The following CCSER1 variants were observed in gnomAD, a reference collection of about 807,000 sequenced individuals.
The protein encoded by CCSER1 is serine-rich coiled-coil domain-containing protein 1.
A neutral mutation model predicts 82.0 loss-of-function variants in CCSER1; 41 were observed. That is an observed-to-expected ratio of 0.50 (90% confidence interval 0.39 to 0.65). The LOEUF is 0.65. CCSER1 is among the 30% of genes least tolerant of loss of function. The pLI is 0.00. For synonymous variants in CCSER1, 414 were observed against 383.9 expected (o/e 1.08, Z -0.92); for missense variants, 1,119 against 1,064.2 (o/e 1.05, Z -0.72).
intron 5 of CCSER1, among the ~76,000 whole-genome samples, chr4:90,567,092 T>A (rs1203604617): frequency 6.6e-6 from 1 of 151,850 alleles, no homozygotes; most frequent in African/African-American, 2.4e-5. Context: ...ACTTTCCATT[T>A]CATTAGTTTC....
At chr4:90,874,742 A>C (rs998328341) in intron 8 of CCSER1, among the ~76,000 whole-genome samples, 2 of 152,084 alleles carry the variant, frequency 1.3e-5, no homozygotes, top group Admixed American at 1.3e-4. Context: ...AGAAAACCCA[A>C]TGCCTATATT....
At chr4:90,424,390 G>A (rs974649646) in intron 4 of CCSER1, among the ~76,000 whole-genome samples, 8 of 152,052 alleles carry the variant, frequency 5.3e-5, no homozygotes, top group African/African-American at 1.9e-4. Flanking sequence ...ATAGAATCAT[G>A]TTTGCTTTTT....
At chr4:90,669,680 G>A (rs1396630881) in intron 6 of CCSER1, among the ~76,000 whole-genome samples, 1 of 152,068 alleles carries the variant, frequency 6.6e-6, no homozygotes, top group Non-Finnish European at 1.5e-5. Flanking sequence ...AAAGGTTGGT[G>A]TGAATGAATC....
chr4:90,515,566 A>T (rs114464532), intron 5 of CCSER1, among the ~76,000 whole-genome samples: 8 of 152,254 alleles, frequency 5.3e-5, no homozygotes, highest in Non-Finnish European at 1.0e-4. Context: ...TTGTGTCTTC[A>T]TTGTCTTCTG....
intron 10 of CCSER1, among the ~76,000 whole-genome samples, chr4:91,291,287 A>C (rs1743722804): frequency 6.6e-6 from 1 of 151,992 alleles, no homozygotes; most frequent in Admixed American, 6.6e-5. Flanking sequence ...GTTAGGGCCC[A>C]TTGATATCAT....
intron 9 of CCSER1, among the ~76,000 whole-genome samples, chr4:91,050,883 C>T (rs1742952137): frequency 6.6e-6 from 1 of 152,160 alleles, no homozygotes. Context: ...TCGTTGAAAA[C>T]AGACAAGAAA....
intron 10 of CCSER1, among the ~76,000 whole-genome samples, chr4:91,223,675 G>T (rs751854687): frequency 1.3e-5 from 2 of 152,058 alleles, no homozygotes; most frequent in African/African-American, 4.8e-5. Context: ...AGGGCAAATG[G>T]TGGGAAGATT....
intron 1 of CCSER1, 82 bp downstream of exon 1, chr4:90,127,913 G>C (rs896857780): frequency 1.3e-5 from 2 of 151,884 alleles, no homozygotes; most frequent in Non-Finnish European, 2.9e-5. Flanking sequence ...AGGCGGACGC[G>C]GGGATGACCG....
At chr4:91,438,694 G>A (rs1473466742) in intron 10 of CCSER1, among the ~76,000 whole-genome samples, 1 of 148,496 alleles carries the variant, frequency 6.7e-6, no homozygotes. Flanking sequence ...TGAGCTACAG[G>A]AGGAAATTCA....
At chr4:91,074,932 GA>G (rs144207662) in intron 9 of CCSER1, among the ~76,000 whole-genome samples, 1 of 151,968 alleles carries the variant, frequency 6.6e-6, no homozygotes, top group Non-Finnish European at 1.5e-5. Flanking sequence ...TTTTCAATCA[GA>G]AAAAATAAAT....
At chr4:90,219,608 A>C (rs1448558683) in intron 1 of CCSER1, among the ~76,000 whole-genome samples, 4 of 152,146 alleles carry the variant, frequency 2.6e-5, no homozygotes, top group Admixed American at 6.5e-5. Context: ...TCTTATTTTC[A>C]ATAAAAATCA....
intron 5 of CCSER1, among the ~76,000 whole-genome samples, chr4:90,519,278 G>A (rs1290726305): frequency 2.0e-5 from 3 of 151,900 alleles, no homozygotes; most frequent in African/African-American, 7.2e-5. Flanking sequence ...GAAGCTTACA[G>A]TAATGAAGAA....
At chr4:90,768,115 A>G (rs1280470465) in intron 7 of CCSER1, among the ~76,000 whole-genome samples, 2 of 152,186 alleles carry the variant, frequency 1.3e-5, no homozygotes, top group African/African-American at 4.8e-5. Flanking sequence ...TTAGTTTACA[A>G]ACAACTGTGG....
intron 6 of CCSER1, among the ~76,000 whole-genome samples, chr4:90,661,959 A>C (rs1348211876): frequency 5.3e-5 from 8 of 150,396 alleles, no homozygotes; most frequent in Non-Finnish European, 1.0e-4. Context: ...AGCAGTAAGG[A>C]CTGGCTTGTT....
At chr4:90,552,631 A>G (rs1203517420) in intron 5 of CCSER1, among the ~76,000 whole-genome samples, 4 of 151,824 alleles carry the variant, frequency 2.6e-5, no homozygotes, top group Admixed American at 2.0e-4. Flanking sequence ...AATTTTTTGT[A>G]TTTTTGATGG....
At chr4:91,054,157 T>G (rs1388947325) in intron 9 of CCSER1, among the ~76,000 whole-genome samples, 1 of 152,170 alleles carries the variant, frequency 6.6e-6, no homozygotes, top group African/African-American at 2.4e-5. Flanking sequence ...GGCCACATCA[T>G]ATACTTGCCA....
chr4:91,150,298 A>C (rs2148950864), intron 10 of CCSER1, among the ~76,000 whole-genome samples: 1 of 152,316 alleles, frequency 6.6e-6, no homozygotes, highest in South Asian at 2.1e-4. Flanking sequence ...GTTGCTGTAT[A>C]AAAATGCCTG....
At chr4:91,108,637 T>G (rs1410131568) in intron 10 of CCSER1, among the ~76,000 whole-genome samples, 1 of 152,208 alleles carries the variant, frequency 6.6e-6, no homozygotes, top group Non-Finnish European at 1.5e-5. Flanking sequence ...CAGTCAATTT[T>G]AAGGTTCTGT....
chr4:91,475,856 AT>A (rs1757563342), intron 10 of CCSER1, among the ~76,000 whole-genome samples: 1 of 151,668 alleles, frequency 6.6e-6, no homozygotes, highest in Non-Finnish European at 1.5e-5. Flanking sequence ...CATGAGATTA[AT>A]TTTTTTAGCT....
Sources: gnomAD v4.1 joint callset for allele counts (sites outside exome capture counted in the v4.1 genomes callset) on GRCh38, gnomAD v4.1.1 for gene constraint, MANE v1.5 for transcripts, NCBI Gene and HGNC (gene_info 2026-07-23, HGNC 2026-07-21) for gene names.